The following CACHD1 variants were observed in gnomAD, a reference collection of about 807,000 sequenced individuals.
CACHD1 encodes the protein VWFA and cache domain-containing protein 1.
A neutral mutation model predicts 138.7 loss-of-function variants in CACHD1; 71 were observed. The observed-to-expected ratio is 0.51, with a 90% CI of 0.42 to 0.62. The LOEUF (loss-of-function observed/expected upper bound fraction) is 0.62. CACHD1 is among the 20% of genes least tolerant of loss of function. The pLI, the probability that CACHD1 is intolerant of heterozygous loss-of-function variation, is 0.00. For synonymous variants in CACHD1, 578 were observed against 591.5 expected, an observed-to-expected ratio of 0.98 and a Z score of 0.33; for missense variants, 1,389 against 1,625.3, an observed-to-expected ratio of 0.85 and a Z score of 2.50.
intron 26 of CACHD1, among the ~76,000 whole-genome samples, chr1:64,688,290 A>C (rs1476590420): frequency 4.6e-5 from 7 of 152,162 alleles, no homozygotes; most frequent in African/African-American, 1.7e-4. Flanking sequence ...GTATAGCATA[A>C]GGTGGTTTTA....
At chr1:64,505,474 C>CA (rs1369407490) in intron 1 of CACHD1, among the ~76,000 whole-genome samples, 6 of 152,092 alleles carry the variant, frequency 3.9e-5, no homozygotes, top group African/African-American at 1.4e-4. Context: ...CGAAGGCCCT[C>CA]AGCTCAGGAG....
chr1:64,500,340 T>C (rs563046145), intron 1 of CACHD1, among the ~76,000 whole-genome samples: 3 of 152,338 alleles, frequency 2.0e-5, no homozygotes, highest in African/African-American at 7.2e-5. Context: ...TTTGGCCTTG[T>C]GTCTTCAACA....
rs1244963254 is a variant in CACHD1 at position 64,668,209 on chromosome 1, C to T, written c.2387+2042C>T. ...GGGCATGGAGGCGCATGCCTGTAAT[C>T]CCAGCTACTCAGGAGGCTGAGGCAA... On this transcript the variant is annotated intron_variant, in intron 16 of 26. Transcript: ENST00000651257. Among the ~76,000 whole-genome samples the T allele has an allele frequency of 2.6e-5, 4 of 152,234 alleles. No individual in the cohort carries two copies. In the East Asian group the frequency reaches 7.7e-4, roughly 29 times the overall value.
chr1:64,505,916 C>G (rs1355240201), intron 1 of CACHD1: 1 of 41,974 alleles, frequency 2.4e-5, no homozygotes, highest in African/African-American at 4.7e-5. Context: ...CTTGTCTCTC[C>G]CCTCGCTGTT....
At chr1:64,562,901 G>A (rs1646853152) in intron 2 of CACHD1, among the ~76,000 whole-genome samples, 2 of 152,024 alleles carry the variant, frequency 1.3e-5, no homozygotes, top group Non-Finnish European at 2.9e-5. Flanking sequence ...CTTGAGAATT[G>A]GTCACACTGC....
chr1:64,666,407 A>C (rs1214998631), intron 16 of CACHD1, among the ~76,000 whole-genome samples: 1 of 152,334 alleles, frequency 6.6e-6, no homozygotes, highest in Middle Eastern at 3.4e-3. Flanking sequence ...GAGTCAGTGA[A>C]AGGCTGTTAG....
At chr1:64,507,308 C>T (rs1646384940) in intron 1 of CACHD1, among the ~76,000 whole-genome samples, 1 of 152,192 alleles carries the variant, frequency 6.6e-6, no homozygotes, top group Admixed American at 6.5e-5. Flanking sequence ...ATCCAATCTG[C>T]CTGCCCCACT....
chr1:64,656,486 A>G (rs1649266390), intron 12 of CACHD1, among the ~76,000 whole-genome samples: 1 of 152,196 alleles, frequency 6.6e-6, no homozygotes, highest in South Asian at 2.1e-4. Flanking sequence ...TACCTCCAAC[A>G]TATTCTGATT....
At chr1:64,658,651 G>A (rs183967463) in intron 12 of CACHD1, 54 bp from the exon 13 acceptor site, 1 of 1,403,530 alleles carries the variant, frequency 7.1e-7, no homozygotes, top group East Asian at 2.4e-5. Context: ...CAAAGTCCCT[G>A]TCCCCATGGA....
chr1:64,619,344 G>C (rs1017218248), intron 4 of CACHD1, among the ~76,000 whole-genome samples: 1 of 152,138 alleles, frequency 6.6e-6, no homozygotes, highest in Admixed American at 6.6e-5. Flanking sequence ...TGTGTGCTGT[G>C]GCTGAAGAAA....
At chr1:64,675,314 T>C in intron 19 of CACHD1, 87 bp from the exon 20 acceptor site, 1 of 987,040 alleles carries the variant, frequency 1.0e-6, no homozygotes, top group Non-Finnish European at 1.5e-6. Context: ...CTATTTTTCG[T>C]AGGTAGTTGA....
intron 1 of CACHD1, among the ~76,000 whole-genome samples, chr1:64,529,057 T>G (rs928772911): frequency 2.0e-5 from 3 of 152,164 alleles, no homozygotes; most frequent in Admixed American, 6.5e-5. Flanking sequence ...GAAATGGGAT[T>G]TGAATTCATG....
At chr1:64,663,654 T>G (rs773961191) in intron 13 of CACHD1, 41 bp from the exon 14 acceptor site, 10 of 1,611,812 alleles carry the variant, frequency 6.2e-6, no homozygotes, top group Non-Finnish European at 8.5e-6. Flanking sequence ...TGAGATAGAG[T>G]CTCCGCATTC....
In CACHD1 at chr1:64,555,913, T is replaced by A. The variant is rs149368497; in HGVS notation, c.261+5257T>A. On this transcript the variant is annotated intron_variant, in intron 2 of 26. Transcript: ENST00000651257. ...TGTGTTTTCTGTCATTAGTTGAGTT[T>A]TTGTGTATGTATGAATTTGATTTGG... 4.7e-4 allele frequency among the ~76,000 whole-genome samples: 72 copies of A among 152,362 alleles called. 1 individual carries two copies. The East Asian group carries it at 0.014, about 29-fold the overall frequency.
chr1:64,634,360 A>G lies in CACHD1; in HGVS notation c.1006+100A>G, dbSNP rs1322828124. 4 of 433,914 alleles carry G rather than the reference A, an allele frequency of 9.2e-6. No homozygotes were observed. The African/African-American group carries it at 9.2e-5, about 10-fold the overall frequency. The allele number at this position is 433,914 out of a possible 1,614,324, so 26.9% of individuals were successfully genotyped here. A position where few individuals can be genotyped will look rare whatever the true frequency, so the allele number is the denominator to read the frequency against. On this transcript the variant is annotated intron_variant, in intron 7 of 26. Transcript: ENST00000651257. ...ACACAATGATGTTTAGAGAGATTTT[A>G]TTTATTTATTTATGTATGTATTTAT...
intron 2 of CACHD1, among the ~76,000 whole-genome samples, chr1:64,557,924 G>A (rs1469162778): frequency 2.0e-5 from 3 of 151,924 alleles, no homozygotes; most frequent in South Asian, 2.1e-4. Flanking sequence ...TCAGCCTCTC[G>A]AGCAGCTGGG....
At chr1:64,689,638 G>A (rs539346149) in intron 26 of CACHD1, among the ~76,000 whole-genome samples, 2 of 152,060 alleles carry the variant, frequency 1.3e-5, no homozygotes, top group East Asian at 1.9e-4. Flanking sequence ...TCTTCGGCAC[G>A]GGCTTTATGA....
intron 21 of CACHD1, among the ~76,000 whole-genome samples, 167 bp downstream of exon 21, chr1:64,676,150 G>A (rs1038405494): frequency 4.6e-5 from 7 of 151,914 alleles, no homozygotes; most frequent in East Asian, 1.9e-4. Context: ...TTCAAGCTCC[G>A]TAGTGCCATA....
At position 64,676,892 on chromosome 1, in the gene CACHD1, C is replaced by T; in HGVS notation, c.2976-3C>T. On this transcript the variant is annotated splice_polypyrimidine_tract_variant and splice_region_variant and intron_variant, in intron 21 of 26. Coordinates refer to ENST00000651257, the MANE Select transcript of CACHD1 (RefSeq NM_020925.4). ...TTAACCTCCAGACTTACCTCCTGCA[C>T]AGAAACCCCAGCTGCGAGGTCCACC... 4.3e-6 allele frequency: 7 copies of T among 1,612,770 alleles called. No individual in the cohort carries two copies. Among genetic ancestry groups the T allele is most frequent in the Non-Finnish European group, 5.1e-6 (6 of 1,179,192 alleles).
Sources: allele counts gnomAD v4.1 joint callset (sites outside exome capture counted in the v4.1 genomes callset), GRCh38; gene constraint gnomAD v4.1.1; transcripts MANE v1.5; gene names NCBI Gene and HGNC (gene_info 2026-07-23, HGNC 2026-07-21).